Variants in STARD13 observed in about 807,000 individuals in gnomAD.
STARD13 encodes StAR related lipid transfer domain containing 13, also known as stAR-related lipid transfer protein 13.
STARD13 carries 62 observed loss-of-function variants against 106.4 expected under a neutral mutation model. That is an observed-to-expected ratio of 0.58 (90% CI 0.48 to 0.72). The LOEUF is 0.72. STARD13 is among the 30% of genes least tolerant of loss of function. STARD13 has a pLI of 0.00. For synonymous variants in STARD13, 565 were observed against 553.0 expected, an observed-to-expected ratio of 1.02 and a Z score of -0.31; for missense variants, 1,387 against 1,424.0, an observed-to-expected ratio of 0.97 and a Z score of 0.42.
intron 1 of STARD13, among the ~76,000 whole-genome samples, chr13:33,302,128 C>A (rs1266158321): frequency 6.6e-6 from 1 of 152,088 alleles, no homozygotes; most frequent in Non-Finnish European, 1.5e-5. Context: ...TCATACCTAC[C>A]TGGAGGAAGA....
chr13:33,668,218 C>T, the STARD13 span, among the ~76,000 whole-genome samples: 1 of 152,142 alleles, frequency 6.6e-6, no homozygotes, highest in Admixed American at 6.6e-5. Flanking sequence ...TGAACTGAAA[C>T]ACTTTGCACC....
At chr13:33,166,995 A>C (rs1342524479) in intron 2 of STARD13, among the ~76,000 whole-genome samples, 2 of 145,558 alleles carry the variant, frequency 1.4e-5, no homozygotes, top group Admixed American at 6.8e-5. Flanking sequence ...CTCTATCTCA[A>C]AAAAAAACAA....
chr13:33,422,176 T>C, the STARD13 span, among the ~76,000 whole-genome samples: 1 of 152,212 alleles, frequency 6.6e-6, no homozygotes, highest in Non-Finnish European at 1.5e-5. Flanking sequence ...GCAGATGACA[T>C]GATTGTATAA....
chr13:33,388,691 G>A, the STARD13 span, among the ~76,000 whole-genome samples: 1 of 152,272 alleles, frequency 6.6e-6, no homozygotes, highest in South Asian at 2.1e-4. Context: ...ACTTGCACAA[G>A]CCTATGGACC....
At chr13:33,583,598 T>G in the STARD13 span, among the ~76,000 whole-genome samples, 1 of 152,308 alleles carries the variant, frequency 6.6e-6, no homozygotes, top group African/African-American at 2.4e-5. Context: ...AGTTATTACC[T>G]TGGTCCACTT....
chr13:33,220,548 C>G (rs909736331), intron 1 of STARD13, among the ~76,000 whole-genome samples: 1 of 151,978 alleles, frequency 6.6e-6, no homozygotes, highest in Non-Finnish European at 1.5e-5. Flanking sequence ...AAAAATTAGC[C>G]GGGTGTGGTG....
At chr13:33,215,167 T>C (rs1386971644) in intron 1 of STARD13, among the ~76,000 whole-genome samples, 1 of 150,248 alleles carries the variant, frequency 6.7e-6, no homozygotes, top group Non-Finnish European at 1.5e-5. Context: ...AGCCTGCTAG[T>C]CTCTGACTGG....
intron 1 of STARD13, among the ~76,000 whole-genome samples, chr13:33,334,545 C>T (rs903957744): frequency 1.3e-5 from 2 of 152,176 alleles, no homozygotes; most frequent in Non-Finnish European, 2.9e-5. Flanking sequence ...TTGTCAGGGC[C>T]GGTCCTCCTG....
intron 1 of STARD13, among the ~76,000 whole-genome samples, chr13:33,187,240 AG>A (rs1297650679): frequency 1.3e-5 from 2 of 152,182 alleles, no homozygotes; most frequent in African/African-American, 4.8e-5. Context: ...AAGAGGGGGA[AG>A]GGTCCCGCTC....
chr13:33,389,290 C>T, the STARD13 span, among the ~76,000 whole-genome samples: 5 of 151,992 alleles, frequency 3.3e-5, no homozygotes, highest in African/African-American at 1.2e-4. Context: ...AAGACAACAC[C>T]CAGTACATAA....
chr13:33,106,204 G>A (rs567710952), intron 13 of STARD13, among the ~76,000 whole-genome samples: 1 of 152,376 alleles, frequency 6.6e-6, no homozygotes, highest in African/African-American at 2.4e-5. Flanking sequence ...CGGATCACCT[G>A]AGGTTGGGAG....
chr13:33,543,480 TAATG>T, the STARD13 span, among the ~76,000 whole-genome samples: 1 of 151,342 alleles, frequency 6.6e-6, no homozygotes, highest in Non-Finnish European at 1.5e-5. Context: ...TTTCCTTTAA[TAATG>T]TTCTTTTTTT....
At chr13:33,334,407 C>T (rs2077871087) in intron 1 of STARD13, among the ~76,000 whole-genome samples, 2 of 152,196 alleles carry the variant, frequency 1.3e-5, no homozygotes, top group South Asian at 2.1e-4. Flanking sequence ...CTGCACTTCA[C>T]TACCTGCACT....
chr13:33,505,160 C>T, the STARD13 span, among the ~76,000 whole-genome samples: 3 of 152,114 alleles, frequency 2.0e-5, no homozygotes, highest in Non-Finnish European at 2.9e-5. Flanking sequence ...ATTGAGTGTC[C>T]TCAATGTGGT....
the STARD13 span, among the ~76,000 whole-genome samples, chr13:33,400,674 A>G: frequency 2.0e-5 from 3 of 152,112 alleles, no homozygotes; most frequent in Non-Finnish European, 2.9e-5. Context: ...TGTGTTAGCC[A>G]GGATGGTCTT....
chr13:33,382,005 G>A, the STARD13 span, among the ~76,000 whole-genome samples: 1 of 152,176 alleles, frequency 6.6e-6, no homozygotes, highest in South Asian at 2.1e-4. Flanking sequence ...ACAAAGGATG[G>A]GATGGTCACA....
At chr13:33,427,368 C>T in the STARD13 span, among the ~76,000 whole-genome samples, 2 of 152,220 alleles carry the variant, frequency 1.3e-5, no homozygotes, top group African/African-American at 4.8e-5. Context: ...TTTTGGATTA[C>T]AGAGGATGGT....
intron 5 of STARD13, among the ~76,000 whole-genome samples, chr13:33,128,683 AT>A (rs1186734600): frequency 1.3e-5 from 2 of 152,154 alleles, no homozygotes; most frequent in Non-Finnish European, 2.9e-5. Flanking sequence ...AGCTCAAAAT[AT>A]TTTTGGATAA....
the STARD13 span, among the ~76,000 whole-genome samples, chr13:33,607,544 C>T: frequency 6.6e-6 from 1 of 152,030 alleles, no homozygotes; most frequent in South Asian, 2.1e-4. Context: ...GATCCGCCTG[C>T]CTCAGCCTCC....
Sources: allele counts gnomAD v4.1 joint callset (sites outside exome capture counted in the v4.1 genomes callset), GRCh38; gene constraint gnomAD v4.1.1; transcripts MANE v1.5; gene names NCBI Gene and HGNC (gene_info 2026-07-23, HGNC 2026-07-21).